The following EPB41L4A variants were observed in gnomAD, a reference collection of about 807,000 sequenced individuals.
EPB41L4A encodes the protein band 4.1-like protein 4A.
In EPB41L4A, 100 loss-of-function variants were observed where a neutral mutation model predicts 108.6. The observed-to-expected ratio is 0.92, with a 90% CI of 0.78 to 1.09. EPB41L4A has a LOEUF of 1.09. EPB41L4A is among the 50% of genes least tolerant of loss of function. The pLI, the probability that EPB41L4A is intolerant of heterozygous loss-of-function variation, is 0.00. For missense variants in EPB41L4A, 1,030 were observed against 842.7 expected (o/e 1.22, Z -2.75); for synonymous variants, 319 against 289.0 (o/e 1.10, Z -1.05).
At chr5:112,151,158 A>C (rs1345606410) in intron 12 of EPB41L4A, among the ~76,000 whole-genome samples, 1 of 152,154 alleles carries the variant, frequency 6.6e-6, no homozygotes, top group African/African-American at 2.4e-5. Flanking sequence ...TCTTGAATAG[A>C]TGGTCTGAGA....
In EPB41L4A at chr5:112,164,372, G is replaced by C. The variant is rs1760099902; in HGVS notation, c.*618C>G. Reference sequence around the variant, plus strand: ...ACTTGTACTATTGCACAGCAGGCTAGCTGCAGTTCAGAATTCCAGAATGTT... The same window carrying C: ...ACTTGTACTATTGCACAGCAGGCTACCTGCAGTTCAGAATTCCAGAATGTT... On this transcript the variant is annotated 3_prime_UTR_variant, in exon 23 of 23. Coordinates refer to ENST00000261486, the MANE Select transcript of EPB41L4A (RefSeq NM_022140.5). 1 of 152,244 alleles carries C rather than the reference G, an allele frequency of 6.6e-6. No individual in the cohort carries two copies. Among genetic ancestry groups the C allele is most frequent in the South Asian group, 2.1e-4 (1 of 4,828 alleles). The allele number at this position is 152,244 out of a possible 1,614,324, so 9.4% of individuals were successfully genotyped here. A position where few individuals can be genotyped will look rare whatever the true frequency, so the allele number is the denominator to read the frequency against.
intron 4 of EPB41L4A, among the ~76,000 whole-genome samples, chr5:112,271,108 A>G (rs923791048): frequency 2.6e-5 from 4 of 152,190 alleles, no homozygotes; most frequent in African/African-American, 9.7e-5. Context: ...ACACTGTAAC[A>G]TGGTACTCCA....
At chr5:112,406,069 G>A (rs1353868103) in intron 1 of EPB41L4A, among the ~76,000 whole-genome samples, 2 of 152,136 alleles carry the variant, frequency 1.3e-5, no homozygotes, top group African/African-American at 2.4e-5. Context: ...AATAACTGCT[G>A]GAGAACATGA....
intron 1 of EPB41L4A, among the ~76,000 whole-genome samples, chr5:112,353,226 CCTGTTGG>C (rs1758154874): frequency 6.6e-6 from 1 of 151,440 alleles, no homozygotes; most frequent in African/African-American, 2.4e-5. Context: ...ACCAAGCATG[CCTGTTGG>C]CATGCTTGAA....
intron 1 of EPB41L4A, among the ~76,000 whole-genome samples, chr5:112,393,496 A>G (rs1438033898): frequency 6.6e-6 from 1 of 152,242 alleles, no homozygotes; most frequent in Non-Finnish European, 1.5e-5. Context: ...TCTAGAAGAA[A>G]TGAATAAATC....
chr5:112,400,529 G>C (rs1003216009), intron 1 of EPB41L4A, among the ~76,000 whole-genome samples: 1 of 151,952 alleles, frequency 6.6e-6, no homozygotes, highest in South Asian at 2.1e-4. Flanking sequence ...TCACACAGTG[G>C]GAACAGGAGC....
At chr5:112,205,598 G>A (rs772702703) in intron 13 of EPB41L4A, 94 bp from the exon 14 acceptor site, 29 of 935,662 alleles carry the variant, frequency 3.1e-5, no homozygotes, top group Non-Finnish European at 4.3e-5. Flanking sequence ...TTTAACAAAT[G>A]TTAAGATGTG....
intron 3 of EPB41L4A, among the ~76,000 whole-genome samples, chr5:112,278,408 C>T (rs1375121604): frequency 1.3e-5 from 2 of 151,886 alleles, no homozygotes; most frequent in African/African-American, 4.8e-5. Context: ...CTCGCCACCA[C>T]ATCTGGCTAA....
intron 1 of EPB41L4A, among the ~76,000 whole-genome samples, chr5:112,333,659 GTC>G (rs911598104): frequency 6.6e-6 from 1 of 152,046 alleles, no homozygotes; most frequent in East Asian, 1.9e-4. Context: ...ATGAGTTGCA[GTC>G]TCTCTCTCTC....
intron 1 of EPB41L4A, among the ~76,000 whole-genome samples, chr5:112,400,171 G>A (rs1371148709): frequency 1.3e-5 from 2 of 152,148 alleles, no homozygotes; most frequent in Non-Finnish European, 2.9e-5. Context: ...TCTATACAAG[G>A]TGGTAGGAAA....
At chr5:112,181,649 T>G (rs907797439) in intron 18 of EPB41L4A, among the ~76,000 whole-genome samples, 1 of 152,176 alleles carries the variant, frequency 6.6e-6, no homozygotes, top group African/African-American at 2.4e-5. Context: ...TACAAAAATT[T>G]AAATGACCAC....
intron 3 of EPB41L4A, among the ~76,000 whole-genome samples, chr5:112,279,064 CAAAAAAAAAAAA>C (rs60463391): frequency 2.6e-5 from 2 of 76,902 alleles, no homozygotes; most frequent in Non-Finnish European, 5.1e-5. Flanking sequence ...GATACCGTCT[CAAAAAAAAAAAA>C]AAAAAAAAAA....
intron 1 of EPB41L4A, among the ~76,000 whole-genome samples, chr5:112,311,302 C>G (rs935642190): frequency 6.6e-6 from 1 of 152,140 alleles, no homozygotes; most frequent in Non-Finnish European, 1.5e-5. Context: ...TTGGATCCAA[C>G]TGTATACTAA....
At position 112,290,124 on chromosome 5, in the gene EPB41L4A, C is replaced by T. The variant is rs887895871; in HGVS notation, c.205-9801G>A. Among the ~76,000 whole-genome samples, 3 of 150,008 alleles carry T rather than the reference C, an allele frequency of 2.0e-5. No homozygotes were observed. The East Asian group carries it at 5.8e-4, about 29-fold the overall frequency. On this transcript the variant is annotated intron_variant, in intron 2 of 22. Transcript: ENST00000261486. ...AGATGACTGTGAAAAGCCATCCTAA[C>T]TAATTATCTTTCAATTTAGCATCAT...
chr5:112,272,002 T>G (rs542051156), intron 4 of EPB41L4A, among the ~76,000 whole-genome samples: 17 of 152,292 alleles, frequency 1.1e-4, no homozygotes, highest in African/African-American at 4.1e-4. Context: ...CGTACATTTT[T>G]CATAATCTGA....
At chr5:112,214,345 A>G (rs754948961) in intron 12 of EPB41L4A, among the ~76,000 whole-genome samples, 2 of 152,258 alleles carry the variant, frequency 1.3e-5, no homozygotes, top group Admixed American at 6.5e-5. Flanking sequence ...GAGGTTAGAT[A>G]AATCTTTCCC....
chr5:112,262,569 A>C lies in EPB41L4A; in HGVS notation c.567T>G (p.Pro189=). The change falls in exon 7 of 23, where the codon CCT becomes CCG. Residue 189 remains proline, a synonymous_variant. Transcript: ENST00000261486. ...RIHKTLMGQI[P]SEAELNYLRT... Reference sequence around the variant, plus strand: ...TCAAGTAATTCAGCTCAGCCTCAGAAGGAATCTGACCCCTACACCCAGCAC... The same window carrying C: ...TCAAGTAATTCAGCTCAGCCTCAGACGGAATCTGACCCCTACACCCAGCAC... 1.2e-6 allele frequency: 2 copies of C among 1,614,128 alleles called. No individual in the cohort carries two copies. Among genetic ancestry groups the C allele is most frequent in the Non-Finnish European group, 1.7e-6 (2 of 1,179,964 alleles).
At chr5:112,366,727 A>G (rs545774376) in intron 1 of EPB41L4A, among the ~76,000 whole-genome samples, 2 of 152,316 alleles carry the variant, frequency 1.3e-5, no homozygotes, top group South Asian at 2.1e-4. Flanking sequence ...GGCACAGAGC[A>G]GCATGGGTTA....
At chr5:112,253,071 A>T (rs1267711504) in intron 9 of EPB41L4A, among the ~76,000 whole-genome samples, 1 of 152,188 alleles carries the variant, frequency 6.6e-6, no homozygotes, top group African/African-American at 2.4e-5. Flanking sequence ...AATGAATGCT[A>T]AATTTACAGA....
Sources: gnomAD v4.1 joint callset for allele counts (sites outside exome capture counted in the v4.1 genomes callset) on GRCh38, gnomAD v4.1.1 for gene constraint, MANE v1.5 for transcripts, NCBI Gene and HGNC (gene_info 2026-07-23, HGNC 2026-07-21) for gene names.